The following CDK6 variants were observed in gnomAD, a reference collection of about 807,000 sequenced individuals.
CDK6 encodes the protein cyclin-dependent kinase 6.
Under a neutral mutation model 37.1 loss-of-function variants are expected in CDK6, and 6 were observed. The observed-to-expected ratio is 0.16, with a 90% CI of 0.09 to 0.32. The LOEUF is 0.32. Ranked by LOEUF, CDK6 falls within the 10% of genes least tolerant of loss-of-function variation. The pLI is 1.00. For synonymous variants in CDK6, 160 were observed against 161.3 expected, an observed-to-expected ratio of 0.99 and a Z score of 0.06; for missense variants, 224 against 418.9, an observed-to-expected ratio of 0.53 and a Z score of 4.06.
At chr7:92,692,840 G>A (rs1220628819) in intron 4 of CDK6, among the ~76,000 whole-genome samples, 1 of 152,144 alleles carries the variant, frequency 6.6e-6, no homozygotes, top group Non-Finnish European at 1.5e-5. Flanking sequence ...CAAATTCCTT[G>A]TGAATATTAC....
chr7:92,792,886 G>C (rs926285761), intron 2 of CDK6, among the ~76,000 whole-genome samples: 19 of 151,772 alleles, frequency 1.3e-4, no homozygotes, highest in African/African-American at 3.6e-4. Flanking sequence ...AGATGAGACG[G>C]AATCTTGGAG....
intron 5 of CDK6, among the ~76,000 whole-genome samples, chr7:92,634,106 A>G (rs912577398): frequency 1.1e-4 from 17 of 152,256 alleles, no homozygotes; most frequent in South Asian, 2.1e-4. Context: ...TTGAAAATAT[A>G]TCTCCATTCT....
chr7:92,818,568 T>C (rs1383597493), intron 2 of CDK6, among the ~76,000 whole-genome samples: 1 of 151,434 alleles, frequency 6.6e-6, no homozygotes, highest in East Asian at 1.9e-4. Flanking sequence ...CAAAAAAGCA[T>C]AAGCTATCAA....
chr7:92,733,046 A>G (rs1415179948), intron 3 of CDK6, among the ~76,000 whole-genome samples: 4 of 152,190 alleles, frequency 2.6e-5, no homozygotes, highest in Non-Finnish European at 5.9e-5. Flanking sequence ...TTTGCAGCTG[A>G]AAATTATTCT....
Position 92,833,922 on chromosome 7 carries a change from G to A in CDK6, c.-367-232C>T, listed in dbSNP as rs3731259. ...CCGTCTTCGCGCGGAGAGGTTGCAG[G>A]GGCCCCTCGGGGATGAGCGAGCGGC... is the stretch of plus-strand genomic sequence containing the variant. On this transcript the variant is annotated intron_variant, in intron 1 of 7. Coordinates refer to ENST00000424848, the MANE Select transcript of CDK6 (RefSeq NM_001145306.2). The surrounding 1 kb of genome is among the most constrained non-coding windows in gnomAD (Gnocchi z 6.1). The A allele has an allele frequency of 8.0e-4, 318 of 398,864 alleles. 1 individual carries two copies. Among genetic ancestry groups the A allele is most frequent in the African/African-American group, 4.9e-3 (241 of 48,702 alleles). The allele number at this position is 398,864 out of a possible 1,614,324, so 24.7% of individuals were successfully genotyped here.
chr7:92,628,257 C>T (rs1182795934), intron 5 of CDK6, among the ~76,000 whole-genome samples: 2 of 151,588 alleles, frequency 1.3e-5, no homozygotes, highest in Non-Finnish European at 2.9e-5. Context: ...TTCTATACTG[C>T]GTTTTATGAG....
intron 2 of CDK6, among the ~76,000 whole-genome samples, chr7:92,831,883 G>GT (rs1801492267): frequency 6.6e-6 from 1 of 152,162 alleles, no homozygotes; most frequent in African/African-American, 2.4e-5. Flanking sequence ...AGAGAGTTTG[G>GT]TATTTCAAAG....
At chr7:92,709,304 C>T (rs965570827) in intron 4 of CDK6, among the ~76,000 whole-genome samples, 6 of 152,070 alleles carry the variant, frequency 3.9e-5, no homozygotes, top group African/African-American at 1.2e-4. Context: ...GCTGCTTTGC[C>T]GTTGTGTGTG....
At chr7:92,652,420 T>C (rs1326854833) in intron 5 of CDK6, among the ~76,000 whole-genome samples, 1 of 152,204 alleles carries the variant, frequency 6.6e-6, no homozygotes, top group Non-Finnish European at 1.5e-5. Context: ...GCCTTTCATA[T>C]ATTTATTTTT....
chr7:92,780,712 G>C (rs1182020752), intron 2 of CDK6, among the ~76,000 whole-genome samples: 2 of 145,554 alleles, frequency 1.4e-5, no homozygotes, highest in African/African-American at 5.1e-5. Flanking sequence ...AGTGAGCCGA[G>C]ACCGTGCCAC....
intron 3 of CDK6, among the ~76,000 whole-genome samples, chr7:92,766,252 G>A (rs1257990925): frequency 6.6e-6 from 1 of 152,188 alleles, no homozygotes; most frequent in East Asian, 1.9e-4. Flanking sequence ...GAAGCTGGTT[G>A]ATGGGTTAAA....
chr7:92,826,310 G>C (rs1006271230), intron 2 of CDK6, among the ~76,000 whole-genome samples: 2 of 152,048 alleles, frequency 1.3e-5, no homozygotes, highest in Non-Finnish European at 2.9e-5. Context: ...ATAATATAAG[G>C]GGACAGATAC....
At chr7:92,699,932 T>C (rs1797805258) in intron 4 of CDK6, among the ~76,000 whole-genome samples, 1 of 152,202 alleles carries the variant, frequency 6.6e-6, no homozygotes, top group African/African-American at 2.4e-5. Context: ...TGGAGAATCA[T>C]AGTACCTGCT....
At chr7:92,805,846 T>TA (rs1387717821) in intron 2 of CDK6, among the ~76,000 whole-genome samples, 1 of 152,168 alleles carries the variant, frequency 6.6e-6, no homozygotes, top group Non-Finnish European at 1.5e-5. Flanking sequence ...ACCCTAAGGT[T>TA]ACTGGCTATG....
chr7:92,675,473 C>T (rs1178020545), intron 4 of CDK6, among the ~76,000 whole-genome samples: 1 of 152,160 alleles, frequency 6.6e-6, no homozygotes, highest in Non-Finnish European at 1.5e-5. Flanking sequence ...TAAATCATTT[C>T]TGATTGTGTA....
chr7:92,723,401 A>C (rs959642787), intron 4 of CDK6, among the ~76,000 whole-genome samples: 1 of 152,196 alleles, frequency 6.6e-6, no homozygotes, highest in Non-Finnish European at 1.5e-5. Flanking sequence ...TTCCTGTATG[A>C]CATAACCCAC....
intron 4 of CDK6, among the ~76,000 whole-genome samples, chr7:92,704,763 A>C (rs1419751526): frequency 6.6e-6 from 1 of 152,146 alleles, no homozygotes; most frequent in Admixed American, 6.5e-5. Flanking sequence ...GGTTGTTTGG[A>C]GTGTTGGTAT....
chr7:92,753,490 C>CTTAT (rs1045192823), intron 3 of CDK6, among the ~76,000 whole-genome samples: 6 of 151,620 alleles, frequency 4.0e-5, no homozygotes, highest in African/African-American at 7.3e-5. Flanking sequence ...AGAAGATTAT[C>CTTAT]TTATTTATTT....
At chr7:92,631,574 C>T (rs914083944) in intron 5 of CDK6, among the ~76,000 whole-genome samples, 10 of 152,164 alleles carry the variant, frequency 6.6e-5, no homozygotes, top group African/African-American at 1.4e-4. Context: ...TAAATGACTT[C>T]GTAAAACTAT....
Sources: allele counts gnomAD v4.1 joint callset (sites outside exome capture counted in the v4.1 genomes callset), GRCh38; gene constraint gnomAD v4.1.1; non-coding constraint Gnocchi (gnomAD v3.1); transcripts MANE v1.5; gene names NCBI Gene and HGNC (gene_info 2026-07-23, HGNC 2026-07-21).